The following LINGO2 variants were observed in gnomAD, a reference collection of about 807,000 sequenced individuals.
The protein encoded by LINGO2 is leucine-rich repeat and immunoglobulin-like domain-containing nogo receptor-interacting protein 2.
Under a neutral mutation model 30.6 loss-of-function variants are expected in LINGO2, and 14 were observed. The ratio of observed to expected loss-of-function variants is 0.46; its 90% CI spans 0.30 to 0.72. The LOEUF is 0.72. LINGO2 is among the 30% of genes least tolerant of loss of function. The pLI is 0.07. For missense variants in LINGO2, 729 were observed against 751.7 expected (o/e 0.97, Z 0.35); for synonymous variants, 317 against 288.5 (o/e 1.10, Z -1.00).
intron 1 of LINGO2, among the ~76,000 whole-genome samples, chr9:28,640,901 G>A (rs922752123): frequency 5.3e-5 from 8 of 152,094 alleles, no homozygotes; most frequent in African/African-American, 9.7e-5. Context: ...GGAGAGGCAC[G>A]CTGATTTTTA....
intron 1 of LINGO2, among the ~76,000 whole-genome samples, chr9:28,581,918 TTAA>T (rs1423273690): frequency 2.6e-5 from 4 of 152,046 alleles, no homozygotes; most frequent in African/African-American, 4.8e-5. Context: ...TTATTTTTTA[TTAA>T]TGTTAGTCTA....
At chr9:28,473,893 G>A (rs928047574) in intron 2 of LINGO2, among the ~76,000 whole-genome samples, 12 of 151,774 alleles carry the variant, frequency 7.9e-5, no homozygotes, top group African/African-American at 2.4e-4. Flanking sequence ...ATCAAGCACT[G>A]CTAAGAAAAA....
At chr9:28,684,068 A>G in the LINGO2 span, among the ~76,000 whole-genome samples, 10 of 152,004 alleles carry the variant, frequency 6.6e-5, no homozygotes, top group Non-Finnish European at 1.5e-4. Context: ...AAAAAATGTA[A>G]AAGTTTACAT....
the LINGO2 span, among the ~76,000 whole-genome samples, chr9:29,170,384 G>A: frequency 6.6e-6 from 1 of 152,062 alleles, no homozygotes; most frequent in Non-Finnish European, 1.5e-5. Context: ...ACTTATATGA[G>A]GGTGCTAAAC....
chr9:27,953,591 C>T (rs895671115), intron 5 of LINGO2, among the ~76,000 whole-genome samples: 1 of 152,098 alleles, frequency 6.6e-6, no homozygotes, highest in Non-Finnish European at 1.5e-5. Context: ...TGAGAGTTCT[C>T]ACAAGATCTG....
chr9:28,855,932 G>C, the LINGO2 span, among the ~76,000 whole-genome samples: 1 of 152,064 alleles, frequency 6.6e-6, no homozygotes, highest in African/African-American at 2.4e-5. Context: ...CTGGACAGTA[G>C]AGATGTAGGC....
intron 4 of LINGO2, among the ~76,000 whole-genome samples, chr9:28,134,544 C>A (rs909953632): frequency 2.6e-5 from 4 of 152,194 alleles, no homozygotes; most frequent in Non-Finnish European, 4.4e-5. Context: ...GGGCACCTGG[C>A]TGGTAAGTGC....
At chr9:28,218,328 A>C (rs1587249948) in intron 4 of LINGO2, among the ~76,000 whole-genome samples, 1 of 151,942 alleles carries the variant, frequency 6.6e-6, no homozygotes, top group Non-Finnish European at 1.5e-5. Flanking sequence ...TAAAAGAAAA[A>C]TGAGGTCCCT....
the LINGO2 span, among the ~76,000 whole-genome samples, chr9:28,728,243 C>T: frequency 2.4e-4 from 36 of 152,128 alleles, 1 homozygote; most frequent in African/African-American, 8.4e-4. Context: ...ACCACAACCC[C>T]CTCCCCTTCA....
the LINGO2 span, among the ~76,000 whole-genome samples, chr9:28,919,613 C>T: frequency 6.6e-6 from 1 of 152,032 alleles, no homozygotes; most frequent in Non-Finnish European, 1.5e-5. Flanking sequence ...AGGCAATGGA[C>T]TCAAAGCTAG....
the LINGO2 span, among the ~76,000 whole-genome samples, chr9:28,853,288 A>C: frequency 6.6e-6 from 1 of 152,002 alleles, no homozygotes; most frequent in Non-Finnish European, 1.5e-5. Context: ...CATATGCATA[A>C]TTGTGTCTTA....
intron 1 of LINGO2, among the ~76,000 whole-genome samples, chr9:28,484,373 C>T (rs1826088865): frequency 6.6e-6 from 1 of 152,050 alleles, no homozygotes; most frequent in Non-Finnish European, 1.5e-5. Flanking sequence ...ACCTGTCATA[C>T]ATCCGTCCAA....
chr9:29,019,948 A>T, the LINGO2 span, among the ~76,000 whole-genome samples: 1 of 152,166 alleles, frequency 6.6e-6, no homozygotes, highest in Non-Finnish European at 1.5e-5. Flanking sequence ...CTGGGATGAT[A>T]AAAATCCTGG....
rs1554650643 is a variant in LINGO2 at position 27,990,467 on chromosome 9, C to CCA, written c.-36+21887_-36+21888insTG. ...ATCACTTCAGTGGTCTCAATACCCC[C>CCA]CCCCCTTTTATTTTTAACTTCAGTA... On this transcript the variant is annotated intron_variant, in intron 5 of 5. Transcript: ENST00000379992. 3.6e-5 allele frequency among the ~76,000 whole-genome samples: 4 copies of CCA among 111,504 alleles called. 1 individual carries two copies. Among genetic ancestry groups the CCA allele is most frequent in the Non-Finnish European group, 7.8e-5 (4 of 51,580 alleles). 73.2% of individuals were successfully genotyped at this position (111,504 alleles called of 152,430 possible). A position where few individuals can be genotyped will look rare whatever the true frequency, so the allele number is the denominator to read the frequency against.
chr9:28,222,000 C>A (rs1265300512), intron 4 of LINGO2, among the ~76,000 whole-genome samples: 4 of 152,084 alleles, frequency 2.6e-5, no homozygotes, highest in African/African-American at 9.7e-5. Context: ...TTTGTATTAT[C>A]TTTTGTGAGA....
At chr9:28,996,639 T>G in the LINGO2 span, among the ~76,000 whole-genome samples, 35 of 152,298 alleles carry the variant, frequency 2.3e-4, no homozygotes, top group Non-Finnish European at 1.5e-5. Flanking sequence ...TTGTTGTCAG[T>G]TGATGTTTGT....
intron 1 of LINGO2, among the ~76,000 whole-genome samples, chr9:28,655,428 C>T (rs1239566527): frequency 2.0e-5 from 3 of 151,878 alleles, no homozygotes; most frequent in Non-Finnish European, 2.9e-5. Context: ...ATAAGACTTT[C>T]GAGTTGGACT....
At chr9:28,493,081 T>C (rs970486491) in intron 1 of LINGO2, among the ~76,000 whole-genome samples, 2 of 152,208 alleles carry the variant, frequency 1.3e-5, no homozygotes, top group African/African-American at 4.8e-5. Flanking sequence ...AGGAAACAAG[T>C]ATCCCCTGTC....
chr9:27,949,373 A>T, exon 6 of LINGO2: 2 of 1,614,096 alleles, frequency 1.2e-6, no homozygotes, highest in Non-Finnish European at 1.7e-6. Context: ...CTCCATCTGC[A>T]CTGCATTCTA....
Sources: allele counts gnomAD v4.1 joint callset (sites outside exome capture counted in the v4.1 genomes callset), GRCh38; gene constraint gnomAD v4.1.1; transcripts MANE v1.5; gene names NCBI Gene and HGNC (gene_info 2026-07-23, HGNC 2026-07-21).